MOXD1: variants seen among roughly 807,000 people sequenced by gnomAD.
MOXD1 encodes the protein monooxygenase DBH like 1, also known as DBH-like monooxygenase protein 1.
Under a neutral mutation model 66.6 loss-of-function variants are expected in MOXD1, and 62 were observed. That is an observed-to-expected ratio of 0.93 (90% CI 0.76 to 1.15). The LOEUF (loss-of-function observed/expected upper bound fraction) is 1.15. Ranked by LOEUF, MOXD1 falls within the 50% of genes most tolerant of loss-of-function variation. The pLI is 0.00. For synonymous variants in MOXD1, 303 were observed against 281.9 expected, an observed-to-expected ratio of 1.07 and a Z score of -0.75; for missense variants, 847 against 754.6, an observed-to-expected ratio of 1.12 and a Z score of -1.44.
intron 10 of MOXD1, among the ~76,000 whole-genome samples, chr6:132,301,060 T>G (rs971972012): frequency 2.0e-5 from 3 of 152,116 alleles, no homozygotes; most frequent in Non-Finnish European, 2.9e-5. Context: ...AACCTTAAAG[T>G]AGCAAGTATT....
At chr6:132,302,070 A>G (rs1453221662) in intron 10 of MOXD1, among the ~76,000 whole-genome samples, 2 of 152,110 alleles carry the variant, frequency 1.3e-5, no homozygotes, top group South Asian at 2.1e-4. Flanking sequence ...TTGTATAAGG[A>G]TCCTCTGAGT....
chr6:132,328,790 G>A (rs539560928), intron 4 of MOXD1, among the ~76,000 whole-genome samples, 196 bp from the exon 5 acceptor site: 3 of 152,112 alleles, frequency 2.0e-5, no homozygotes, highest in African/African-American at 7.2e-5. Context: ...GATGACAACG[G>A]CAACAACAAA....
chr6:132,307,050 G>T (rs745667576), intron 10 of MOXD1, among the ~76,000 whole-genome samples: 1 of 152,048 alleles, frequency 6.6e-6, no homozygotes, highest in African/African-American at 2.4e-5. Context: ...TGGGCTAAAG[G>T]CCCCAATTAA....
intron 1 of MOXD1, among the ~76,000 whole-genome samples, chr6:132,400,162 A>G (rs1363567824): frequency 6.6e-6 from 1 of 152,240 alleles, no homozygotes; most frequent in Non-Finnish European, 1.5e-5. Context: ...GGATAAAATT[A>G]CTAAGAAGCG....
chr6:132,387,306 ATACTGTG>A (rs879617596), intron 1 of MOXD1, among the ~76,000 whole-genome samples: 25 of 151,480 alleles, frequency 1.7e-4, no homozygotes, highest in African/African-American at 5.8e-4. Flanking sequence ...GTACAATTTT[ATACTGTG>A]TACATGCACA....
At chr6:132,298,153 T>C (rs557417726) in intron 10 of MOXD1, among the ~76,000 whole-genome samples, 198 bp from the exon 11 acceptor site, 10 of 152,304 alleles carry the variant, frequency 6.6e-5, no homozygotes, top group African/African-American at 2.4e-4. Context: ...GATATTTATT[T>C]TTTAGTAGCA....
chr6:132,345,917 G>C (rs902352579), intron 4 of MOXD1, among the ~76,000 whole-genome samples: 1 of 152,084 alleles, frequency 6.6e-6, no homozygotes. Context: ...CTCCTGATGG[G>C]GGGATCCCAG....
At chr6:132,354,265 C>A (rs973126434) in intron 4 of MOXD1, among the ~76,000 whole-genome samples, 1 of 152,138 alleles carries the variant, frequency 6.6e-6, no homozygotes, top group Admixed American at 6.5e-5. Context: ...TTTCTGGTTC[C>A]TTCTCATTTG....
chr6:132,315,535 C>G, intron 10 of MOXD1, 100 bp downstream of exon 10: 1 of 1,299,024 alleles, frequency 7.7e-7, no homozygotes, highest in African/African-American at 1.5e-5. Flanking sequence ...ACAAACAGTG[C>G]ATAAAAATTT....
chr6:132,340,007 T>C (rs969831954), intron 4 of MOXD1, among the ~76,000 whole-genome samples: 1 of 151,962 alleles, frequency 6.6e-6, no homozygotes, highest in South Asian at 2.1e-4. Flanking sequence ...ATAGCTGGGA[T>C]TACAGGCATG....
intron 4 of MOXD1, among the ~76,000 whole-genome samples, chr6:132,330,787 CCA>C (rs1361150024): frequency 1.5e-4 from 23 of 152,160 alleles, no homozygotes; most frequent in African/African-American, 5.1e-4. Flanking sequence ...TCCATTTTCT[CCA>C]CAGTTTTTCT....
intron 4 of MOXD1, among the ~76,000 whole-genome samples, chr6:132,340,325 T>A (rs768246638): frequency 6.6e-6 from 1 of 152,242 alleles, no homozygotes; most frequent in Non-Finnish European, 1.5e-5. Flanking sequence ...AATCACCCTT[T>A]ATTTGTTTCT....
chr6:132,348,533 CTT>C (rs1337596819), intron 4 of MOXD1, among the ~76,000 whole-genome samples: 2 of 152,142 alleles, frequency 1.3e-5, no homozygotes, highest in African/African-American at 2.4e-5. Context: ...CCTAAAATAA[CTT>C]TTGCAATTAA....
chr6:132,342,719 T>G (rs1274674561), intron 4 of MOXD1, among the ~76,000 whole-genome samples: 12 of 152,366 alleles, frequency 7.9e-5, no homozygotes, highest in Admixed American at 5.9e-4. Context: ...CAGAGTCAAA[T>G]GCACATACAG....
intron 4 of MOXD1, among the ~76,000 whole-genome samples, chr6:132,341,820 T>C (rs564539322): frequency 6.6e-6 from 1 of 152,324 alleles, no homozygotes; most frequent in African/African-American, 2.4e-5. Context: ...TATGTGATTA[T>C]TTTGGCTCAC....
At chr6:132,355,225 G>T (rs1775888621) in intron 4 of MOXD1, among the ~76,000 whole-genome samples, 1 of 152,076 alleles carries the variant, frequency 6.6e-6, no homozygotes, top group Non-Finnish European at 1.5e-5. Context: ...TTCTCCCTGT[G>T]GCATTTTACC....
chr6:132,335,667 G>C (rs1662174999), intron 4 of MOXD1, among the ~76,000 whole-genome samples: 1 of 152,182 alleles, frequency 6.6e-6, no homozygotes, highest in Non-Finnish European at 1.5e-5. Flanking sequence ...CCAGAGCTGT[G>C]AGAGAATAAA....
chr6:132,335,000 T>A (rs959699484), intron 4 of MOXD1, among the ~76,000 whole-genome samples: 1 of 152,148 alleles, frequency 6.6e-6, no homozygotes, highest in African/African-American at 2.4e-5. Flanking sequence ...TGTTGCAGAA[T>A]TCCCTAGAAC....
intron 4 of MOXD1, among the ~76,000 whole-genome samples, chr6:132,330,962 T>A (rs1775304392): frequency 6.6e-6 from 1 of 152,166 alleles, no homozygotes. Context: ...ATCACATTCA[T>A]GGAAAAAACA....
Sources: allele counts gnomAD v4.1 joint callset (sites outside exome capture counted in the v4.1 genomes callset), GRCh38; gene constraint gnomAD v4.1.1; transcripts MANE v1.5; gene names NCBI Gene and HGNC (gene_info 2026-07-23, HGNC 2026-07-21).